Variants in FAM169A observed in about 807,000 individuals in gnomAD.
FAM169A encodes soluble lamin-associated protein of 75 kDa.
Under a neutral mutation model 75.7 loss-of-function variants are expected in FAM169A, and 24 were observed. The ratio of observed to expected loss-of-function variants is 0.32; its 90% CI spans 0.23 to 0.45. The LOEUF is 0.45. Among genes scored for constraint, FAM169A ranks in the 20% least tolerant of loss-of-function variants. The pLI, the probability that FAM169A is intolerant of heterozygous loss-of-function variation, is 1.00. For synonymous variants in FAM169A, 271 were observed against 271.0 expected, an observed-to-expected ratio of 1.00 and a Z score of 0.00; for missense variants, 673 against 784.0, an observed-to-expected ratio of 0.86 and a Z score of 1.69.
At chr5:74,838,168 T>C (rs185113222) in intron 4 of FAM169A, among the ~76,000 whole-genome samples, 251 of 151,986 alleles carry the variant, frequency 1.7e-3, no homozygotes, top group Admixed American at 4.7e-3. Context: ...TCTCTTTCTT[T>C]TAGGATTAAC....
chr5:74,853,799 C>G (rs1412145529), intron 1 of FAM169A, among the ~76,000 whole-genome samples: 2 of 150,360 alleles, frequency 1.3e-5, no homozygotes, highest in Admixed American at 1.3e-4. Context: ...GCTCCGCCTC[C>G]CGGGTTCACG....
rs199645198 is a variant in FAM169A at position 74,801,614 on chromosome 5, C to G, written c.928G>C (p.Asp310His). 1.2e-6 allele frequency: 2 copies of G among 1,610,096 alleles called. No homozygotes were observed. The highest frequency in any genetic ancestry group is 1.7e-6 in the Non-Finnish European group (2 of 1,178,388). Reference protein sequence around the residue: ...EMQLTIDSLKDAFASTSEGHD... With the variant: ...EMQLTIDSLKHAFASTSEGHD... ...CCTTCGGAAGTGCTTGCAAAGGCATCTTTTAGAGAATCAATCTAAAAAAGA... is the reference window on the plus strand; with the variant it reads ...CCTTCGGAAGTGCTTGCAAAGGCATGTTTTAGAGAATCAATCTAAAAAAGA... The change falls in exon 9 of 13, where the codon GAT (aspartate) becomes CAT (histidine). Residue 310 changes from aspartate to histidine, a missense_variant. Physicochemically the swap from Asp to His is moderately conservative, Grantham distance 81 (BLOSUM62 -1). Around this residue, in one of 3 missense-constraint regions of FAM169A, gnomAD observed 510 missense variants for 550.9 expected, o/e 0.93. Coordinates refer to ENST00000687041, the MANE Select transcript of FAM169A (RefSeq NM_001376049.1).
chr5:74,805,162 T>C lies in FAM169A; in HGVS notation c.793A>G (p.Ile265Val). Residue 265 changes from isoleucine to valine, a missense_variant, in exon 7 of 13, where the codon ATT becomes GTT. This residue lies in a region of FAM169A where 510 missense variants were observed against 550.9 expected (regional missense o/e 0.93). Transcript: ENST00000687041. ...TRALQREALK[I>V]LALSQNEPKR... ...AAACTGAAAACACTCTTACCTAGAA[T>C]TTTAAGTGCTTCTCTTTGTAATGCT... 1 of 1,613,752 alleles carries C rather than the reference T, an allele frequency of 6.2e-7. No homozygotes were observed. The highest frequency in any genetic ancestry group is 2.2e-5 in the East Asian group (1 of 44,866).
chr5:74,782,956 G>A lies in FAM169A; in HGVS notation c.1439C>T (p.Pro480Leu), dbSNP rs1745486684. ...CTTATCTGGTGCATCTACCTCAGGG[G>A]GTTTTGAAGATTCTACCACCAGTGG... is the stretch of plus-strand genomic sequence containing the variant. ...LVPLVVESSK[P>L]PEVDAPDKTP... Residue 480 changes from proline (P) to leucine (L), a missense_variant, in exon 12 of 13, where the codon CCC becomes CTC. By Grantham distance (98) the Pro-to-Leu change is moderately conservative. This residue lies in a region of FAM169A where 510 missense variants were observed against 550.9 expected (regional missense o/e 0.93). Coordinates refer to ENST00000687041, the MANE Select transcript of FAM169A (RefSeq NM_001376049.1). 1.9e-6 allele frequency: 3 copies of A among 1,613,394 alleles called. No individual in the cohort carries two copies. The African/African-American group carries it at 4.0e-5, about 22-fold the overall frequency.
intron 10 of FAM169A, among the ~76,000 whole-genome samples, chr5:74,797,086 C>A (rs138320909): frequency 6.6e-6 from 1 of 152,176 alleles, no homozygotes; most frequent in African/African-American, 2.4e-5. Context: ...ATCATCTACA[C>A]CTGTGATAGC....
chr5:74,849,589 G>A (rs1580164295), intron 1 of FAM169A, among the ~76,000 whole-genome samples: 2 of 151,540 alleles, frequency 1.3e-5, no homozygotes, highest in African/African-American at 4.8e-5. Context: ...AGGTATCCAG[G>A]CAACATAATC....
chr5:74,833,742 T>C (rs1365032143), intron 5 of FAM169A, among the ~76,000 whole-genome samples: 2 of 152,186 alleles, frequency 1.3e-5, no homozygotes, highest in Non-Finnish European at 2.9e-5. Flanking sequence ...TGTTCTTTGA[T>C]GGTCACAAGG....
At chr5:74,788,026 C>T (rs1455046904) in intron 11 of FAM169A, among the ~76,000 whole-genome samples, 2 of 152,138 alleles carry the variant, frequency 1.3e-5, no homozygotes, top group Non-Finnish European at 2.9e-5. Context: ...CCATCCTTCC[C>T]CAAGGAGACC....
intron 1 of FAM169A, among the ~76,000 whole-genome samples, chr5:74,860,965 G>A (rs1012459229): frequency 7.9e-5 from 12 of 151,630 alleles, no homozygotes; most frequent in East Asian, 1.9e-4. Flanking sequence ...GTGAAACCCC[G>A]TATCTACTAA....
intron 11 of FAM169A, among the ~76,000 whole-genome samples, chr5:74,787,801 T>C (rs1745770789): frequency 1.3e-5 from 2 of 152,062 alleles, no homozygotes; most frequent in Admixed American, 1.3e-4. Context: ...GTGGAATTGA[T>C]AGGAAGCCTA....
rs1486182031 is a variant in FAM169A at position 74,866,353 on chromosome 5, G to A, written c.-192C>T. ...CCCGGCTCCTCGTCGCGGGTCGGCC[G>A]CGGCCCACCGTGCCCTCCGACGACG... On this transcript the variant is annotated 5_prime_UTR_variant, in exon 1 of 13. Coordinates refer to ENST00000687041, the MANE Select transcript of FAM169A (RefSeq NM_001376049.1). 2 of 984,404 alleles carry A rather than the reference G, an allele frequency of 2.0e-6. No homozygotes were observed. Among genetic ancestry groups the A allele is most frequent in the Non-Finnish European group, 2.4e-6 (2 of 829,664 alleles). 61.0% of individuals were successfully genotyped at this position (984,404 alleles called of 1,614,324 possible).
At chr5:74,842,844 G>A (rs964039466) in intron 1 of FAM169A, among the ~76,000 whole-genome samples, 1 of 151,514 alleles carries the variant, frequency 6.6e-6, no homozygotes, top group Non-Finnish European at 1.5e-5. Context: ...TTAGACAAGA[G>A]AAAGCAATTA....
Position 74,781,639 on chromosome 5 carries a change from C to T in FAM169A, c.1834G>A (p.Glu612Lys), listed in dbSNP as rs572085553. 4 of 1,614,082 alleles carry T rather than the reference C, an allele frequency of 2.5e-6. No individual in the cohort carries two copies. The highest frequency in any genetic ancestry group is 2.5e-6 in the Non-Finnish European group (3 of 1,180,034). ...SQNAGQKNQS[E>K]EQSEASSEQL... ...TCGGAAGATGCTTCAGACTGCTCCT[C>T]TGACTGATTCTTCTGTCCTGCATTC... The change falls in exon 13 of 13, where the codon GAG becomes AAG. Residue 612 changes from glutamate (E) to lysine (K), a missense_variant. By Grantham distance (56) the Glu-to-Lys change is moderately conservative. Coordinates refer to ENST00000687041, the MANE Select transcript of FAM169A (RefSeq NM_001376049.1).
intron 5 of FAM169A, among the ~76,000 whole-genome samples, chr5:74,816,407 T>C (rs1747474241): frequency 6.6e-6 from 1 of 152,222 alleles, no homozygotes; most frequent in Non-Finnish European, 1.5e-5. Flanking sequence ...AAACATTCCT[T>C]CTAGTAAAGG....
intron 10 of FAM169A, among the ~76,000 whole-genome samples, chr5:74,796,761 A>G (rs969026073): frequency 6.6e-6 from 1 of 150,824 alleles, no homozygotes; most frequent in Non-Finnish European, 1.5e-5. Context: ...ATCTTATTCT[A>G]TTAGAATGAG....
intron 1 of FAM169A, among the ~76,000 whole-genome samples, chr5:74,862,255 T>C (rs1403770309): frequency 6.6e-6 from 1 of 152,226 alleles, no homozygotes; most frequent in Non-Finnish European, 1.5e-5. Flanking sequence ...AAACCCATTA[T>C]TGGTTCCCCA....
At chr5:74,798,620 G>C (rs1020068707) in intron 10 of FAM169A, among the ~76,000 whole-genome samples, 30 of 152,142 alleles carry the variant, frequency 2.0e-4, no homozygotes, top group African/African-American at 7.0e-4. Context: ...CAGTTAAAAT[G>C]GCAAAGTTAT....
At chr5:74,786,758 C>G (rs1561286924) in intron 11 of FAM169A, among the ~76,000 whole-genome samples, 2 of 152,134 alleles carry the variant, frequency 1.3e-5, no homozygotes, top group African/African-American at 4.8e-5. Flanking sequence ...TGTGGAAAAT[C>G]AGACACAACC....
intron 10 of FAM169A, among the ~76,000 whole-genome samples, chr5:74,798,391 T>TA (rs1419668650): frequency 6.6e-6 from 1 of 152,190 alleles, no homozygotes; most frequent in Non-Finnish European, 1.5e-5. Flanking sequence ...GTTACCCTTC[T>TA]AAAAAGGGTA....
Sources: allele counts gnomAD v4.1 joint callset (sites outside exome capture counted in the v4.1 genomes callset), GRCh38; gene constraint gnomAD v4.1.1; regional missense constraint gnomAD v4.1.1; transcripts MANE v1.5; gene names NCBI Gene and HGNC (gene_info 2026-07-23, HGNC 2026-07-21).